Variants in RASGRP3 observed in about 807,000 individuals in gnomAD.
RASGRP3 encodes the protein RAS guanyl releasing protein 3.
A neutral mutation model predicts 82.7 loss-of-function variants in RASGRP3; 54 were observed. The observed-to-expected ratio is 0.65, with a 90% confidence interval of 0.52 to 0.82. The LOEUF is 0.82. Among genes scored for constraint, RASGRP3 ranks in the 40% least tolerant of loss-of-function variants. The pLI is 0.00. For missense variants in RASGRP3, 861 were observed against 828.9 expected (o/e 1.04, Z -0.48); for synonymous variants, 309 against 300.5 (o/e 1.03, Z -0.29).
At chr2:33,457,598 C>T (rs1431652477) in intron 2 of RASGRP3, among the ~76,000 whole-genome samples, 2 of 151,752 alleles carry the variant, frequency 1.3e-5, no homozygotes, top group African/African-American at 2.4e-5. Context: ...ACAAATGTCA[C>T]GTCATTTTTA....
rs77880464 is a variant in RASGRP3 at position 33,558,303 on chromosome 2, G to A, written c.1672G>A (p.Gly558Arg). The A allele has an allele frequency of 7.8e-4, 1,256 of 1,613,668 alleles. 24 individuals are homozygous for A. The East Asian group carries it at 0.022, about 28-fold the overall frequency. The change falls in exon 16 of 18, where the codon GGG becomes AGG. Residue 558 changes from glycine (G) to arginine (R), a missense_variant. Gly to Arg is a moderately radical substitution (Grantham distance 125). Coordinates refer to ENST00000403687, the MANE Select transcript of RASGRP3 (RefSeq NM_001139488.2). ...ARAPSLSSGH[G>R]SLPGSPSLPP... Reference sequence around the variant, plus strand: ...GGCGCCCTCCTTGAGCAGTGGTCATGGGTCACTGCCTGGAAGCCCCTCGCT... The same window carrying A: ...GGCGCCCTCCTTGAGCAGTGGTCATAGGTCACTGCCTGGAAGCCCCTCGCT...
chr2:33,447,424 A>G (rs1665561632), intron 1 of RASGRP3, among the ~76,000 whole-genome samples: 1 of 147,212 alleles, frequency 6.8e-6, no homozygotes, highest in Admixed American at 6.9e-5. Flanking sequence ...AGGTGCCCCA[A>G]CCTTGGAGTG....
chr2:33,546,446 A>C (rs1289972733), intron 13 of RASGRP3, among the ~76,000 whole-genome samples: 1 of 151,848 alleles, frequency 6.6e-6, no homozygotes, highest in Non-Finnish European at 1.5e-5. Context: ...AAAGAAAGTC[A>C]AAAAATAACA....
chr2:33,503,197 A>G (rs751999989), intron 1 of RASGRP3, among the ~76,000 whole-genome samples: 2 of 152,230 alleles, frequency 1.3e-5, no homozygotes, highest in Non-Finnish European at 2.9e-5. Context: ...TATGCTCTTA[A>G]AACATTTTTG....
In RASGRP3 at chr2:33,479,270, G is replaced by C. The variant is rs533216483; in HGVS notation, c.-261+2563G>C. 7.0e-4 allele frequency among the ~76,000 whole-genome samples: 107 copies of C among 152,212 alleles called. 1 individual carries two copies. The stretch of plus-strand genomic sequence containing the variant: ...TGGCTGGTGGCATGTTTTTCTCTTT[G>C]AAAATAGTTCAGTGACGGTCTTGAT... On this transcript the variant is annotated intron_variant, in intron 1 of 17. Coordinates refer to ENST00000403687, the MANE Select transcript of RASGRP3 (RefSeq NM_001139488.2).
intron 2 of RASGRP3, among the ~76,000 whole-genome samples, chr2:33,463,976 G>GT (rs992690300): frequency 1.3e-5 from 2 of 151,656 alleles, no homozygotes; most frequent in African/African-American, 2.4e-5. Context: ...CAGATACTAT[G>GT]TTTTTTTACA....
intron 1 of RASGRP3, among the ~76,000 whole-genome samples, chr2:33,498,583 A>T (rs1221416879): frequency 6.6e-6 from 1 of 152,194 alleles, no homozygotes; most frequent in East Asian, 1.9e-4. Context: ...AAGAATGAAC[A>T]AATATATACT....
At chr2:33,559,066 G>C in intron 17 of RASGRP3, 36 bp downstream of exon 17, 1 of 1,504,256 alleles carries the variant, frequency 6.6e-7, no homozygotes, top group South Asian at 1.3e-5. Context: ...AAAACCAGAA[G>C]AAGGAGGCTG....
chr2:33,557,077 G>C (rs1315350758), intron 15 of RASGRP3, among the ~76,000 whole-genome samples: 1 of 152,108 alleles, frequency 6.6e-6, no homozygotes, highest in Non-Finnish European at 1.5e-5. Flanking sequence ...GGGAAAATGG[G>C]TACTGGAAAT....
At chr2:33,442,550 G>A (rs972431931) in intron 1 of RASGRP3, among the ~76,000 whole-genome samples, 19 of 152,158 alleles carry the variant, frequency 1.2e-4, no homozygotes, top group Admixed American at 1.2e-3. Flanking sequence ...CTAATTCATT[G>A]CCATTGACGG....
intron 1 of RASGRP3, among the ~76,000 whole-genome samples, chr2:33,505,958 T>C (rs1370740394): frequency 6.6e-6 from 1 of 152,252 alleles, no homozygotes; most frequent in East Asian, 1.9e-4. Context: ...CATTTCTTGT[T>C]CAACTTATGT....
At chr2:33,542,854 CTTATT>C (rs1273714627) in intron 12 of RASGRP3, among the ~76,000 whole-genome samples, 5 of 151,658 alleles carry the variant, frequency 3.3e-5, no homozygotes, top group African/African-American at 1.2e-4. Flanking sequence ...CAGCTAATTT[CTTATT>C]TTATTTTATT....
rs554566661 is a variant in RASGRP3 at position 33,539,043 on chromosome 2, T to C, written c.1162-51T>C. The C allele has an allele frequency of 6.1e-6, 7 of 1,144,956 alleles. No homozygotes were observed. In the South Asian group the frequency reaches 9.0e-5, roughly 15 times the overall value. 70.9% of individuals were successfully genotyped at this position (1,144,956 alleles called of 1,614,324 possible). On this transcript the variant is annotated intron_variant, in intron 11 of 17. Coordinates refer to ENST00000403687, the MANE Select transcript of RASGRP3 (RefSeq NM_001139488.2). ...GACAGAACCAGACCCTGTCTCAAAA[T>C]AATAATAATAATAAAGTTGAAAAAT...
At chr2:33,468,235 C>G (rs934052882) in intron 2 of RASGRP3, among the ~76,000 whole-genome samples, 1 of 151,766 alleles carries the variant, frequency 6.6e-6, no homozygotes, top group African/African-American at 2.4e-5. Flanking sequence ...TATGTGACCC[C>G]CAACTCCCAG....
At chr2:33,527,762 C>T (rs1304390661) in intron 10 of RASGRP3, among the ~76,000 whole-genome samples, 2 of 152,178 alleles carry the variant, frequency 1.3e-5, no homozygotes, top group Non-Finnish European at 2.9e-5. Context: ...CAGTCATCTG[C>T]TCCTCTTTAT....
At chr2:33,474,124 T>C (rs1303892160), upstream of RASGRP3, among the ~76,000 whole-genome samples, 2 of 152,112 alleles carry the variant, frequency 1.3e-5, no homozygotes. Flanking sequence ...CATGGACAGG[T>C]ACCTGTCCAT....
Position 33,527,265 on chromosome 2 carries a change from C to T in RASGRP3, c.936C>T (p.Val312=). Reference sequence around the variant, plus strand: ...TACACTTGAAAGACTTGATAGCTGTCCATGTCATTTTCCCAGACTGGACAG... The same window carrying T: ...TACACTTGAAAGACTTGATAGCTGTTCATGTCATTTTCCCAGACTGGACAG... The part of the protein sequence containing the change: ...LGVHLKDLIA[V]HVIFPDWTEE... The change falls in exon 10 of 18, where the codon GTC becomes GTT. Residue 312 remains valine (V), a synonymous_variant. Transcript: ENST00000403687. 1.2e-6 allele frequency: 2 copies of T among 1,614,028 alleles called. No individual in the cohort carries two copies. The highest frequency in any genetic ancestry group is 1.7e-6 in the Non-Finnish European group (2 of 1,179,892).
intron 1 of RASGRP3, among the ~76,000 whole-genome samples, chr2:33,440,610 A>G (rs1665171816): frequency 6.6e-6 from 1 of 152,128 alleles, no homozygotes; most frequent in Non-Finnish European, 1.5e-5. Context: ...AGAATTCTCC[A>G]TCTTTTGGTT....
intron 1 of RASGRP3, among the ~76,000 whole-genome samples, chr2:33,509,188 G>A (rs1040727461): frequency 2.6e-5 from 4 of 152,026 alleles, no homozygotes; most frequent in East Asian, 3.8e-4. Context: ...ATCACTTGAC[G>A]TCAGGAGTTC....
Sources: allele counts gnomAD v4.1 joint callset (sites outside exome capture counted in the v4.1 genomes callset), GRCh38; gene constraint gnomAD v4.1.1; transcripts MANE v1.5; gene names NCBI Gene and HGNC (gene_info 2026-07-23, HGNC 2026-07-21).